SEC16B: variants seen among roughly 807,000 people sequenced by gnomAD.
SEC16B encodes protein transport protein Sec16B.
Under a neutral mutation model 141.8 loss-of-function variants are expected in SEC16B, and 115 were observed. That is an observed-to-expected ratio of 0.81 (90% CI 0.70 to 0.95). The LOEUF (loss-of-function observed/expected upper bound fraction) is 0.95. SEC16B is among the 40% of genes least tolerant of loss of function. The pLI, the probability that SEC16B is intolerant of heterozygous loss-of-function variation, is 0.00. For synonymous variants in SEC16B, 493 were observed against 492.5 expected, an observed-to-expected ratio of 1.00 and a Z score of -0.01; for missense variants, 1,291 against 1,312.3, an observed-to-expected ratio of 0.98 and a Z score of 0.25.
At position 177,930,575 on chromosome 1, in the gene SEC16B, A is replaced by G. The variant is rs1473273381; in HGVS notation, c.3081T>C (p.Val1027=). Residue 1027 remains valine, a synonymous_variant, in exon 25 of 26, where the codon GTT becomes GTC. Transcript: ENST00000308284. ...LLPPPALKGA[V]PLYNPSQVPQ... ...GCACCTGAGATGGGTTGTAAAGAGG[A>G]ACAGCCCCTTTTAAGGCAGGTGGAG... 6.2e-7 allele frequency: 1 copy of G among 1,613,816 alleles called. No homozygotes were observed. The highest frequency in any genetic ancestry group is 8.5e-7 in the Non-Finnish European group (1 of 1,179,820).
At chr1:177,976,797 T>C (rs1224438254) in intron 1 of SEC16B, among the ~76,000 whole-genome samples, 1 of 152,200 alleles carries the variant, frequency 6.6e-6, no homozygotes, top group Non-Finnish European at 1.5e-5. Context: ...TATTCATCAC[T>C]GCTGTGAAAT....
upstream of SEC16B, chr1:177,970,073 A>C (rs958772942): frequency 6.6e-6 from 1 of 152,324 alleles, no homozygotes; most frequent in Non-Finnish European, 1.5e-5. Flanking sequence ...CATTAGGGCA[A>C]AGTACAGCCC....
rs59521874 is a variant in SEC16B, at chr1:177,933,003, A to G, written c.2824-197T>C. On this transcript the variant is annotated intron_variant, in intron 22 of 25. Coordinates refer to ENST00000308284, the MANE Select transcript of SEC16B (RefSeq NM_033127.4). ...TCCCTACTGCTGACCCTCTAAAGTTACATTTCTTCATCCAAACTTTTTAAA... is the reference window on the plus strand; with the variant it reads ...TCCCTACTGCTGACCCTCTAAAGTTGCATTTCTTCATCCAAACTTTTTAAA... Among the ~76,000 whole-genome samples, 550 of 152,174 alleles carry G rather than the reference A, an allele frequency of 3.6e-3. 3 individuals are homozygous for G. Among genetic ancestry groups the G allele is most frequent in the African/African-American group, 0.013 (524 of 41,516 alleles).
rs1381906274 is a variant in SEC16B at position 177,930,544 on chromosome 1, C to T, written c.3111+1G>A. The T allele has an allele frequency of 6.2e-7, 1 of 1,612,208 alleles. No homozygotes were observed. ...GCCCCTCCCCCTGAGGGCTTCCTTACCTGAGGCACCTGAGATGGGTTGTAA... is the reference window on the plus strand; with the variant it reads ...GCCCCTCCCCCTGAGGGCTTCCTTATCTGAGGCACCTGAGATGGGTTGTAA... On this transcript the variant is annotated splice_donor_variant, in intron 25 of 25. Transcript: ENST00000308284. LOFTEE classifies it high-confidence loss of function.
rs568973633 is a variant in SEC16B, at chr1:177,932,718, C to T, written c.2912G>A (p.Ser971Asn). 3.6e-5 allele frequency: 58 copies of T among 1,600,228 alleles called. 2 individuals carry two copies. The South Asian group carries it at 6.6e-4, about 18-fold the overall frequency. Reference sequence around the variant, plus strand: ...GGTACCTCTGCCCCTGGAGAAGGCACTAACATCCGGCAGAGGTGGGGACTC... The same window carrying T: ...GGTACCTCTGCCCCTGGAGAAGGCATTAACATCCGGCAGAGGTGGGGACTC... Reference protein sequence around the residue: ...SPESPPLPDVSAFSRGRGGGE... With the variant: ...SPESPPLPDVNAFSRGRGGGE... Residue 971 changes from serine to asparagine, a missense_variant, in exon 23 of 26, where the codon AGT becomes AAT. Coordinates refer to ENST00000308284, the MANE Select transcript of SEC16B (RefSeq NM_033127.4).
chr1:177,962,395 A>G (rs1182114061), intron 5 of SEC16B, among the ~76,000 whole-genome samples: 1 of 151,472 alleles, frequency 6.6e-6, no homozygotes, highest in Non-Finnish European at 1.5e-5. Flanking sequence ...TTTAATGAGC[A>G]CCTATTATGC....
At chr1:177,939,505 G>A (rs1462080157) in intron 18 of SEC16B, among the ~76,000 whole-genome samples, 197 bp downstream of exon 18, 1 of 152,214 alleles carries the variant, frequency 6.6e-6, no homozygotes, top group East Asian at 1.9e-4. Flanking sequence ...TCAGACTGAG[G>A]GAACTTAGAA....
chr1:177,960,321 G>C, intron 8 of SEC16B, 21 bp downstream of exon 8: 1 of 1,533,212 alleles, frequency 6.5e-7, no homozygotes, highest in Non-Finnish European at 9.0e-7. Flanking sequence ...CCCTTACTCA[G>C]CAGCTCTTAC....
rs138278382 is a variant in SEC16B, at chr1:177,982,648, T to A, written c.-59+1558A>T. 5.7e-3 allele frequency among the ~76,000 whole-genome samples: 875 copies of A among 152,362 alleles called. 7 individuals are homozygous for A. Among genetic ancestry groups the A allele is most frequent in the Non-Finnish European group, 7.4e-3 (506 of 68,042 alleles). Reference sequence around the variant, plus strand: ...CTGATGGTGAGGAGTTCTAGGAAGCTGAGGCTGCACTGCATGGCCACCAAT... The same window carrying A: ...CTGATGGTGAGGAGTTCTAGGAAGCAGAGGCTGCACTGCATGGCCACCAAT... On this transcript the variant is annotated intron_variant and NMD_transcript_variant, in intron 1 of 24. Coordinates refer to the SEC16B transcript ENST00000528461.
chr1:177,974,939 G>C (rs1271005480), upstream of SEC16B, among the ~76,000 whole-genome samples: 1 of 152,212 alleles, frequency 6.6e-6, no homozygotes, highest in Non-Finnish European at 1.5e-5. Flanking sequence ...AAGGGCACCT[G>C]TTCCTCTAAA....
Position 177,932,588 on chromosome 1 carries a change from G to C in SEC16B, c.2933-19C>G. ...CCCCCACCTGGAAAGTAATGAGGCA[G>C]AGCTGTTTCCTCTGCTCAGGACTGG... is the stretch of plus-strand genomic sequence containing the variant. On this transcript the variant is annotated intron_variant, in intron 23 of 25. Coordinates refer to ENST00000308284, the MANE Select transcript of SEC16B (RefSeq NM_033127.4). The C allele has an allele frequency of 6.5e-7, 1 of 1,545,272 alleles. No homozygotes were observed. The highest frequency in any genetic ancestry group is 1.4e-5 in the African/African-American group (1 of 72,786).
intron 1 of SEC16B, among the ~76,000 whole-genome samples, chr1:177,983,740 T>A (rs1427368884): frequency 1.3e-5 from 2 of 152,176 alleles, no homozygotes. Flanking sequence ...GTTTCCACAC[T>A]GCCTCTAAGT....
intron 7 of SEC16B, 172 bp from the exon 8 acceptor site, chr1:177,960,575 C>G: frequency 1.4e-6 from 1 of 696,262 alleles, no homozygotes; most frequent in South Asian, 1.9e-5. Context: ...ACATTGACAT[C>G]TCAGGAAAAA....
At chr1:177,944,709 G>A (rs1189438979) in intron 14 of SEC16B, 43 bp from the exon 15 acceptor site, 1 of 1,521,858 alleles carries the variant, frequency 6.6e-7, no homozygotes, top group Non-Finnish European at 9.1e-7. Context: ...AGGTGTGGGG[G>A]ACGCAGGAGT....
chr1:177,977,144 C>T (rs1189701585), intron 1 of SEC16B, among the ~76,000 whole-genome samples: 1 of 152,114 alleles, frequency 6.6e-6, no homozygotes, highest in Non-Finnish European at 1.5e-5. Context: ...AGAAACTTTA[C>T]ATGTGCAATG....
chr1:177,944,776 C>T, intron 14 of SEC16B, 110 bp from the exon 15 acceptor site: 1 of 861,926 alleles, frequency 1.2e-6, no homozygotes, highest in East Asian at 2.5e-5. Context: ...GAGTTTCCAT[C>T]CTGGGCTGAT....
chr1:177,965,987 T>C lies in SEC16B; in HGVS notation c.318A>G (p.Ser106=), dbSNP rs1340868473. The change falls in exon 3 of 26, where the codon TCA becomes TCG. Residue 106 remains serine, a synonymous_variant. Transcript: ENST00000308284. ...QLYSRPGYEN[S]YQSYQSPTMR... The stretch of plus-strand genomic sequence containing the variant: ...TTGTGGGAGACTGATAGCTCTGATA[T>C]GAATTCTCATAACCTGGCCTAAAAT... The C allele has an allele frequency of 6.3e-7, 1 of 1,586,290 alleles. No homozygotes were observed. The highest frequency in any genetic ancestry group is 8.6e-7 in the Non-Finnish European group (1 of 1,164,288).
intron 21 of SEC16B, 33 bp downstream of exon 21, chr1:177,933,451 G>A: frequency 6.2e-7 from 1 of 1,603,788 alleles, no homozygotes. Flanking sequence ...GCAGGGGAAG[G>A]AAGGCAGGGG....
intron 18 of SEC16B, 73 bp downstream of exon 18, chr1:177,939,629 T>C: frequency 1.5e-6 from 2 of 1,297,824 alleles, no homozygotes; most frequent in Non-Finnish European, 2.2e-6. Flanking sequence ...AGTGCTTTCA[T>C]AAATTACTTT....
Sources: allele counts gnomAD v4.1 joint callset (sites outside exome capture counted in the v4.1 genomes callset), GRCh38; gene constraint gnomAD v4.1.1; transcripts MANE v1.5; gene names NCBI Gene and HGNC (gene_info 2026-07-23, HGNC 2026-07-21).